The following NTNG1 variants were observed in gnomAD, a reference collection of about 807,000 sequenced individuals.
NTNG1 encodes netrin G1, also known as netrin-G1.
A neutral mutation model predicts 54.0 loss-of-function variants in NTNG1; 16 were observed. The ratio of observed to expected loss-of-function variants is 0.30; its 90% CI spans 0.20 to 0.45. NTNG1 has a LOEUF of 0.45. NTNG1 is among the 20% of genes least tolerant of loss of function. The pLI is 1.00. For missense variants in NTNG1, 530 were observed against 678.7 expected, an observed-to-expected ratio of 0.78 and a Z score of 2.43; for synonymous variants, 255 against 263.1, an observed-to-expected ratio of 0.97 and a Z score of 0.30.
At chr1:107,384,755 T>G (rs1671860562) in intron 3 of NTNG1, among the ~76,000 whole-genome samples, 1 of 152,190 alleles carries the variant, frequency 6.6e-6, no homozygotes, top group Admixed American at 6.5e-5. Context: ...TGCCCCTTCT[T>G]TCATGTATGC....
At chr1:107,172,680 G>A (rs1656338182) in intron 2 of NTNG1, among the ~76,000 whole-genome samples, 1 of 152,090 alleles carries the variant, frequency 6.6e-6, no homozygotes, top group South Asian at 2.1e-4. Context: ...TTTAAAAGTT[G>A]TCTTAAAAGG....
chr1:107,165,766 C>T (rs1655745389), intron 2 of NTNG1, among the ~76,000 whole-genome samples: 1 of 152,178 alleles, frequency 6.6e-6, no homozygotes, highest in South Asian at 2.1e-4. Flanking sequence ...TTTTCTGCCA[C>T]ATTTTTCTTA....
At chr1:107,279,614 T>C (rs924339226) in intron 2 of NTNG1, among the ~76,000 whole-genome samples, 1 of 152,176 alleles carries the variant, frequency 6.6e-6, no homozygotes, top group Non-Finnish European at 1.5e-5. Flanking sequence ...TTCTCCTTCA[T>C]CTTTCTAGAA....
At chr1:107,405,954 C>T (rs908869377) in intron 4 of NTNG1, among the ~76,000 whole-genome samples, 2 of 152,120 alleles carry the variant, frequency 1.3e-5, no homozygotes, top group African/African-American at 4.8e-5. Context: ...ATTCAGCAGT[C>T]CTTTGCAGAA....
intron 5 of NTNG1, among the ~76,000 whole-genome samples, chr1:107,413,348 A>G (rs1376359853): frequency 6.6e-6 from 1 of 151,852 alleles, no homozygotes; most frequent in African/African-American, 2.4e-5. Flanking sequence ...TTGGATTTTT[A>G]GTAGAGACGG....
At chr1:107,219,692 T>A (rs1371100453) in intron 2 of NTNG1, among the ~76,000 whole-genome samples, 2 of 152,188 alleles carry the variant, frequency 1.3e-5, no homozygotes, top group Non-Finnish European at 2.9e-5. Context: ...CCAGTGGAGC[T>A]ACCCAGCTCT....
chr1:107,388,453 C>G (rs921945590), intron 3 of NTNG1, among the ~76,000 whole-genome samples: 1 of 152,216 alleles, frequency 6.6e-6, no homozygotes, highest in Non-Finnish European at 1.5e-5. Flanking sequence ...TAAATCCCTG[C>G]TCCATTTTGT....
intron 2 of NTNG1, among the ~76,000 whole-genome samples, chr1:107,199,681 G>A (rs1178607601): frequency 6.6e-6 from 1 of 151,840 alleles, no homozygotes; most frequent in Non-Finnish European, 1.5e-5. Flanking sequence ...ATCAGAAAAT[G>A]TTACTAAGTG....
intron 2 of NTNG1, among the ~76,000 whole-genome samples, chr1:107,149,506 A>C (rs1654397587): frequency 1.3e-5 from 2 of 152,212 alleles, no homozygotes; most frequent in South Asian, 2.1e-4. Context: ...GCTGAAAAGC[A>C]AGGACTCAGC....
chr1:107,313,365 G>A (rs1436426762), intron 2 of NTNG1, among the ~76,000 whole-genome samples: 5 of 152,036 alleles, frequency 3.3e-5, no homozygotes, highest in Admixed American at 2.6e-4. Flanking sequence ...GAAGAGGGAG[G>A]GAAAGAGGAA....
At chr1:107,164,489 G>T (rs558208888) in intron 2 of NTNG1, among the ~76,000 whole-genome samples, 1 of 152,280 alleles carries the variant, frequency 6.6e-6, no homozygotes, top group South Asian at 2.1e-4. Context: ...TGAGCTAGAG[G>T]TACAAAAATG....
chr1:107,407,577 G>A, intron 4 of NTNG1, 105 bp from the exon 5 acceptor site: 1 of 876,154 alleles, frequency 1.1e-6, no homozygotes. Flanking sequence ...TTAATAGTCT[G>A]AATATTATCA....
intron 3 of NTNG1, among the ~76,000 whole-genome samples, chr1:107,391,161 G>A (rs908404414): frequency 6.6e-6 from 1 of 152,168 alleles, no homozygotes; most frequent in African/African-American, 2.4e-5. Flanking sequence ...AGAACTAAGT[G>A]TAGAGTTAGG....
intron 3 of NTNG1, among the ~76,000 whole-genome samples, chr1:107,358,667 A>G (rs1670084720): frequency 6.8e-6 from 1 of 147,464 alleles, no homozygotes; most frequent in African/African-American, 2.5e-5. Context: ...CATTCCAGGA[A>G]AAAAAAAAAG....
intron 3 of NTNG1, among the ~76,000 whole-genome samples, chr1:107,335,653 A>C (rs1668532763): frequency 6.6e-6 from 1 of 151,020 alleles, no homozygotes. Context: ...TTATCTAATT[A>C]GTTATGATTT....
chr1:107,275,118 A>T (rs1570560218), intron 2 of NTNG1, among the ~76,000 whole-genome samples: 2 of 152,152 alleles, frequency 1.3e-5, no homozygotes, highest in South Asian at 4.1e-4. Context: ...GGCTCACACC[A>T]GTAATCCCAG....
At chr1:107,282,203 T>C (rs903694851) in intron 2 of NTNG1, among the ~76,000 whole-genome samples, 6 of 152,204 alleles carry the variant, frequency 3.9e-5, no homozygotes, top group Non-Finnish European at 7.3e-5. Flanking sequence ...CTTTGGTTTG[T>C]TTAATAGAAA....
At chr1:107,415,769 C>G (rs997991444) in intron 5 of NTNG1, among the ~76,000 whole-genome samples, 2 of 152,054 alleles carry the variant, frequency 1.3e-5, no homozygotes, top group Non-Finnish European at 2.9e-5. Context: ...ATTTTTCTCA[C>G]TAAGAATTCT....
chr1:107,430,704 C>G (rs760374248), intron 5 of NTNG1, 46 bp from the exon 6 acceptor site: 2 of 1,590,990 alleles, frequency 1.3e-6, no homozygotes, highest in Non-Finnish European at 8.6e-7. Flanking sequence ...TGCTATTACT[C>G]TGCTACTGTA....
Sources: gnomAD v4.1 joint callset for allele counts (sites outside exome capture counted in the v4.1 genomes callset) on GRCh38, gnomAD v4.1.1 for gene constraint, MANE v1.5 for transcripts, NCBI Gene and HGNC (gene_info 2026-07-23, HGNC 2026-07-21) for gene names.